PRAG1: variants seen among roughly 807,000 people sequenced by gnomAD.
The protein encoded by PRAG1 is PEAK1 related, kinase-activating pseudokinase 1.
A neutral mutation model predicts 95.6 loss-of-function variants in PRAG1; 110 were observed. That is an observed-to-expected ratio of 1.15 (90% confidence interval 0.99 to 1.35). The LOEUF (loss-of-function observed/expected upper bound fraction) is 1.35, where lower values mean the gene tolerates loss of function less well. PRAG1 is among the 40% of genes most tolerant of loss of function. The probability of loss-of-function intolerance (pLI) is 0.00; values close to 1 mark genes in which losing one functional copy is unlikely to be tolerated. For synonymous variants in PRAG1, 1,052 were observed against 819.4 expected, an observed-to-expected ratio of 1.28 and a Z score of -4.85; for missense variants, 2,554 against 1,864.7, an observed-to-expected ratio of 1.37 and a Z score of -6.81.
intron 1 of PRAG1, among the ~76,000 whole-genome samples, chr8:8,382,440 G>A (rs1800711602): frequency 2.0e-5 from 3 of 152,184 alleles, no homozygotes; most frequent in African/African-American, 4.8e-5. Context: ...ACCTTATGCA[G>A]AGTCTGGCAT....
At chr8:8,346,713 C>A (rs894115199) in intron 3 of PRAG1, among the ~76,000 whole-genome samples, 3 of 152,204 alleles carry the variant, frequency 2.0e-5, no homozygotes, top group Non-Finnish European at 4.4e-5. Flanking sequence ...CCCCAGTGTG[C>A]AGCAGAGAGT....
intron 3 of PRAG1, among the ~76,000 whole-genome samples, chr8:8,343,345 A>T (rs1799231295): frequency 6.6e-6 from 1 of 152,206 alleles, no homozygotes; most frequent in Non-Finnish European, 1.5e-5. Context: ...AAATACACAC[A>T]TTCCTATAAT....
intron 4 of PRAG1, among the ~76,000 whole-genome samples, chr8:8,335,969 G>C (rs1798971037): frequency 6.6e-6 from 1 of 152,196 alleles, no homozygotes. Flanking sequence ...GTAGTAGTCA[G>C]CTTGTTGAGA....
intron 3 of PRAG1, among the ~76,000 whole-genome samples, chr8:8,349,292 A>T (rs529541393): frequency 1.5e-3 from 221 of 150,722 alleles, no homozygotes; most frequent in African/African-American, 5.0e-3. Context: ...TTATTTATTT[A>T]TTTTTTGAGA....
Position 8,334,675 on chromosome 8 carries a change from G to A in PRAG1, c.2320+4803C>T, listed in dbSNP as rs981951665. On this transcript the variant is annotated intron_variant, in intron 4 of 5. Coordinates refer to ENST00000615670, the MANE Select transcript of PRAG1 (RefSeq NM_001080826.3). ...TTGGAAAACAGGCTCTAAGTATCTC[G>A]AATGCCCTGCCTACAGCTCACATGT... 6.7e-5 allele frequency among the ~76,000 whole-genome samples: 10 copies of A among 149,062 alleles called. 1 individual carries two copies. The highest frequency in any genetic ancestry group is 2.2e-4 in the South Asian group (1 of 4,596).
In PRAG1 at chr8:8,318,065, A is replaced by T. The variant is rs1253701176; in HGVS notation, c.*89T>A. 1 of 1,315,550 alleles carries T rather than the reference A, an allele frequency of 7.6e-7. No individual in the cohort carries two copies. The highest frequency in any genetic ancestry group is 2.5e-5 in the East Asian group (1 of 40,420). The allele number at this position is 1,315,550 out of a possible 1,614,324, so 81.5% of individuals were successfully genotyped here. ...TCCAGGTATCCCAGTCATCTGTACCATTTCCCAGGGAGACATGGGTGCTTC... is the reference window on the plus strand; with the variant it reads ...TCCAGGTATCCCAGTCATCTGTACCTTTTCCCAGGGAGACATGGGTGCTTC... On this transcript the variant is annotated 3_prime_UTR_variant, in exon 6 of 6. Coordinates refer to ENST00000615670, the MANE Select transcript of PRAG1 (RefSeq NM_001080826.3). This position sits in a 1 kb window ranked among gnomAD's most constrained non-coding sequence, Gnocchi z 4.2.
At chr8:8,339,415 C>A in intron 4 of PRAG1, 63 bp downstream of exon 4, 2 of 1,562,294 alleles carry the variant, frequency 1.3e-6, no homozygotes, top group Non-Finnish European at 1.8e-6. Context: ...CCGCAAGCAA[C>A]GCAGGACTGG....
intron 3 of PRAG1, among the ~76,000 whole-genome samples, chr8:8,350,636 CAG>C (rs916995409): frequency 2.5e-4 from 38 of 152,288 alleles, no homozygotes; most frequent in Non-Finnish European, 8.8e-5. Context: ...AGACGGATTT[CAG>C]AGTCACCAAG....
At chr8:8,321,337 G>A (rs971403385) in intron 5 of PRAG1, among the ~76,000 whole-genome samples, 2 of 152,098 alleles carry the variant, frequency 1.3e-5, no homozygotes, top group African/African-American at 2.4e-5. Context: ...CTCCCACCTC[G>A]GCCTCCCAAA....
intron 3 of PRAG1, among the ~76,000 whole-genome samples, chr8:8,341,031 T>A (rs1211999509): frequency 6.6e-6 from 1 of 152,216 alleles, no homozygotes; most frequent in Non-Finnish European, 1.5e-5. Context: ...ATCAGATCTA[T>A]CACTAATAGT....
chr8:8,368,849 GT>G (rs1800098731), intron 3 of PRAG1, among the ~76,000 whole-genome samples: 1 of 149,330 alleles, frequency 6.7e-6, no homozygotes, highest in African/African-American at 2.5e-5. Context: ...AAAAAAAAGT[GT>G]TTAGATGATT....
In PRAG1 at chr8:8,386,362, C is replaced by G. The variant is rs1006765724; in HGVS notation, c.-129G>C. 1 of 152,336 alleles carries G rather than the reference C, an allele frequency of 6.6e-6. No individual in the cohort carries two copies. The highest frequency in any genetic ancestry group is 1.5e-5 in the Non-Finnish European group (1 of 68,154). The allele number at this position is 152,336 out of a possible 1,614,324, so 9.4% of individuals were successfully genotyped here. On this transcript the variant is annotated 5_prime_UTR_variant, in exon 1 of 6. Coordinates refer to ENST00000615670, the MANE Select transcript of PRAG1 (RefSeq NM_001080826.3). Reference sequence around the variant, plus strand: ...CCCGGCCCCTCCGTCGGTCTCCGAGCCGCCAGCCGCCCGGCCGGAGCATTG... The same window carrying G: ...CCCGGCCCCTCCGTCGGTCTCCGAGGCGCCAGCCGCCCGGCCGGAGCATTG...
At chr8:8,346,569 GAA>G (rs2116854839) in intron 3 of PRAG1, among the ~76,000 whole-genome samples, 1 of 152,192 alleles carries the variant, frequency 6.6e-6, no homozygotes, top group East Asian at 1.9e-4. Flanking sequence ...TGGAAAGCTG[GAA>G]AAAAAGACTC....
Position 8,318,253 on chromosome 8 carries a change from C to T in PRAG1, c.4122G>A (p.Arg1374=). ...GCCAGTCCTCCAGCTCCACGCCCCG[C>T]CTGCGATCCACCGCCTTCTCCGCAA... ...MKFAEKAVDR[R]RGVELEDWLC... is the part of the protein sequence containing the mutation. The change falls in exon 6 of 6, where the codon AGG becomes AGA. Residue 1374 remains arginine, a synonymous_variant. Coordinates refer to ENST00000615670, the MANE Select transcript of PRAG1 (RefSeq NM_001080826.3). The surrounding 1 kb of genome is among the most constrained non-coding windows in gnomAD (Gnocchi z 4.2). 6.2e-7 allele frequency: 1 copy of T among 1,614,196 alleles called. No individual in the cohort carries two copies. Among genetic ancestry groups the T allele is most frequent in the Non-Finnish European group, 8.5e-7 (1 of 1,180,014 alleles).
intron 4 of PRAG1, among the ~76,000 whole-genome samples, chr8:8,338,146 C>CTA (rs1361043454): frequency 6.6e-6 from 1 of 152,174 alleles, no homozygotes; most frequent in Non-Finnish European, 1.5e-5. Flanking sequence ...TTCTGGAAGC[C>CTA]TTTATAAGAA....
At chr8:8,352,617 G>A (rs947888844) in intron 3 of PRAG1, among the ~76,000 whole-genome samples, 3 of 152,186 alleles carry the variant, frequency 2.0e-5, no homozygotes, top group South Asian at 4.1e-4. Flanking sequence ...GCAGAGAAGT[G>A]AGATGACCAT....
chr8:8,324,882 A>ACCT (rs1202585070), intron 5 of PRAG1, among the ~76,000 whole-genome samples: 5 of 151,624 alleles, frequency 3.3e-5, no homozygotes, highest in Admixed American at 1.3e-4. Flanking sequence ...TTTTCCTGTC[A>ACCT]CCTATTCATG....
At chr8:8,343,333 T>A (rs1799231124) in intron 3 of PRAG1, among the ~76,000 whole-genome samples, 1 of 152,152 alleles carries the variant, frequency 6.6e-6, no homozygotes, top group African/African-American at 2.4e-5. Flanking sequence ...TCTTGTAAAG[T>A]TAAATACACA....
intron 5 of PRAG1, among the ~76,000 whole-genome samples, chr8:8,327,418 A>G (rs1162216482): frequency 1.3e-5 from 2 of 152,116 alleles, no homozygotes; most frequent in Non-Finnish European, 1.5e-5. Context: ...AAAAATACAA[A>G]AATTAGCTGG....
Sources: allele counts gnomAD v4.1 joint callset (sites outside exome capture counted in the v4.1 genomes callset), GRCh38; gene constraint gnomAD v4.1.1; non-coding constraint Gnocchi (gnomAD v3.1); transcripts MANE v1.5; gene names NCBI Gene and HGNC (gene_info 2026-07-23, HGNC 2026-07-21).